The following NPEPL1 variants were observed in gnomAD, a reference collection of about 807,000 sequenced individuals.
NPEPL1 encodes probable aminopeptidase NPEPL1.
A neutral mutation model predicts 52.4 loss-of-function variants in NPEPL1; 45 were observed. That is an observed-to-expected ratio of 0.86 (90% CI 0.68 to 1.10). The LOEUF (loss-of-function observed/expected upper bound fraction) is 1.10. NPEPL1 is among the 50% of genes least tolerant of loss of function. The pLI, the probability that NPEPL1 is intolerant of heterozygous loss-of-function variation, is 0.00. For synonymous variants in NPEPL1, 360 were observed against 314.7 expected, an observed-to-expected ratio of 1.14 and a Z score of -1.52; for missense variants, 696 against 710.9, an observed-to-expected ratio of 0.98 and a Z score of 0.24.
chr20:58,709,363 G>A (rs1327518776), intron 7 of NPEPL1, among the ~76,000 whole-genome samples: 1 of 152,126 alleles, frequency 6.6e-6, no homozygotes, highest in East Asian at 1.9e-4. Context: ...CAGCATCCAC[G>A]TGTCCACACT....
chr20:58,714,326 T>C (rs1209744632), intron 10 of NPEPL1: 2 of 612,388 alleles, frequency 3.3e-6, no homozygotes, highest in Non-Finnish European at 2.8e-6. Context: ...GTCTTGGGTC[T>C]GGCTCAGTTG....
At chr20:58,707,294 A>G (rs990211278) in intron 7 of NPEPL1, 94 bp downstream of exon 7, 2 of 1,175,004 alleles carry the variant, frequency 1.7e-6, no homozygotes, top group Non-Finnish European at 2.4e-6. Flanking sequence ...AGGCCCCACC[A>G]GGGTCCTACC....
upstream of NPEPL1, among the ~76,000 whole-genome samples, chr20:58,690,203 A>C (rs1013921362): frequency 2.0e-5 from 3 of 152,238 alleles, no homozygotes; most frequent in African/African-American, 7.2e-5. Context: ...TTTGTCCCAG[A>C]AGTTTTTAAT....
chr20:58,714,309 TC>T, intron 10 of NPEPL1: 1 of 621,454 alleles, frequency 1.6e-6, no homozygotes, highest in Non-Finnish European at 2.7e-6. Flanking sequence ...CAAGGGTTTC[TC>T]CCCCAGTCTT....
chr20:58,700,997 C>T lies in NPEPL1; in HGVS notation c.680-19C>T. 6.5e-7 allele frequency: 1 copy of T among 1,546,362 alleles called. No individual in the cohort carries two copies. Among genetic ancestry groups the T allele is most frequent in the Non-Finnish European group, 8.7e-7 (1 of 1,144,198 alleles). ...AGCTCAGCCCGAGCCTAACCCAGTT[C>T]TCCCCACGCTTTCCATAGGAATCTA... is the stretch of plus-strand genomic sequence containing the variant. On this transcript the variant is annotated intron_variant, in intron 5 of 11. Coordinates refer to ENST00000356091, the MANE Select transcript of NPEPL1 (RefSeq NM_024663.4).
At chr20:58,700,668 G>A (rs2084595853) in intron 5 of NPEPL1, among the ~76,000 whole-genome samples, 1 of 152,220 alleles carries the variant, frequency 6.6e-6, no homozygotes, top group Admixed American at 6.5e-5. Flanking sequence ...AGGAAGTGGG[G>A]ACGAGCATGG....
intron 6 of NPEPL1, chr20:58,703,372 A>G (rs1601115608): frequency 3.0e-6 from 2 of 667,424 alleles, no homozygotes; most frequent in Non-Finnish European, 3.7e-6. Flanking sequence ...CACGGTGGTA[A>G]TAAGCAAACT....
At position 58,715,514 on chromosome 20, in the gene NPEPL1, G is replaced by A. The variant is rs1026275171; in HGVS notation, c.*188G>A. On this transcript the variant is annotated 3_prime_UTR_variant, in exon 12 of 12. Coordinates refer to ENST00000356091, the MANE Select transcript of NPEPL1 (RefSeq NM_024663.4). Reference sequence around the variant, plus strand: ...TGGTGCGGGCCACGGGGAGGGGACCGGGAAGCGCTGGGGCTTGTTTCTGTT... The same window carrying A: ...TGGTGCGGGCCACGGGGAGGGGACCAGGAAGCGCTGGGGCTTGTTTCTGTT... 1.0e-5 allele frequency: 6 copies of A among 572,612 alleles called. No homozygotes were observed. Among genetic ancestry groups the A allele is most frequent in the East Asian group, 6.6e-5 (2 of 30,178 alleles). The allele number at this position is 572,612 out of a possible 1,614,324, so 35.5% of individuals were successfully genotyped here. A position where few individuals can be genotyped will look rare whatever the true frequency, so the allele number is the denominator to read the frequency against.
At chr20:58,700,397 A>G (rs1437975785) in intron 5 of NPEPL1, among the ~76,000 whole-genome samples, 2 of 152,194 alleles carry the variant, frequency 1.3e-5, no homozygotes, top group Non-Finnish European at 2.9e-5. Flanking sequence ...TGTGTCAGGA[A>G]AAGCTTCACA....
At chr20:58,714,219 A>G in intron 10 of NPEPL1, 126 bp downstream of exon 10, 1 of 1,039,546 alleles carries the variant, frequency 9.6e-7, no homozygotes, top group Non-Finnish European at 1.4e-6. Context: ...AGTGCAGACG[A>G]GGGCTTGAGA....
intron 6 of NPEPL1, chr20:58,705,705 C>A: frequency 2.6e-6 from 1 of 377,928 alleles, no homozygotes; most frequent in South Asian, 1.9e-5. Context: ...TATTTGCAAG[C>A]CCAGTCCTGG....
rs775441195 is a variant in NPEPL1, at chr20:58,693,847, C to T, written c.261C>T (p.Asn87=). 6.2e-7 allele frequency: 1 copy of T among 1,613,640 alleles called. No individual in the cohort carries two copies. The highest frequency in any genetic ancestry group is 8.5e-7 in the Non-Finnish European group (1 of 1,179,784). The stretch of plus-strand genomic sequence containing the variant: ...TGCCCTGCAGGGTGAGCCGGCACAA[C>T]AGCCCCTCGGCCGCCCACTTCATCA... The part of the protein sequence containing the change: ...AALPCRVSRH[N]SPSAAHFITR... The change falls in exon 2 of 12, where the codon AAC becomes AAT. Residue 87 remains asparagine, a synonymous_variant. Coordinates refer to ENST00000356091, the MANE Select transcript of NPEPL1 (RefSeq NM_024663.4).
intron 2 of NPEPL1, 115 bp from the exon 3 acceptor site, chr20:58,694,307 T>G: frequency 1.9e-6 from 2 of 1,069,530 alleles, no homozygotes; most frequent in Non-Finnish European, 2.7e-6. Flanking sequence ...GGGACATCTC[T>G]GTCTAGATGT....
upstream of NPEPL1, chr20:58,692,690 G>C (rs926585102): frequency 2.3e-6 from 1 of 440,066 alleles, no homozygotes; most frequent in African/African-American, 2.1e-5. The surrounding 1 kb of genome is among the most constrained non-coding windows in gnomAD (Gnocchi z 5.7). Flanking sequence ...GGGCCTGCCC[G>C]CACCCTTCCG....
chr20:58,696,348 C>T, intron 3 of NPEPL1, among the ~76,000 whole-genome samples: 1 of 152,226 alleles, frequency 6.6e-6, no homozygotes, highest in East Asian at 1.9e-4. Flanking sequence ...TAGCACCACC[C>T]TCCCATTTGT....
intron 7 of NPEPL1, 133 bp downstream of exon 7, chr20:58,707,333 C>G (rs1024808254): frequency 2.0e-5 from 17 of 836,440 alleles, no homozygotes; most frequent in South Asian, 3.6e-5. Context: ...GCTTGTCCCC[C>G]CTCTGCCCCC....
intron 7 of NPEPL1, among the ~76,000 whole-genome samples, chr20:58,707,538 C>T (rs1005272777): frequency 1.3e-5 from 2 of 152,244 alleles, no homozygotes; most frequent in South Asian, 2.1e-4. Flanking sequence ...CAGGGGCACA[C>T]GTTGTTCTGC....
chr20:58,713,850 T>C lies in NPEPL1; in HGVS notation c.1126-67T>C, dbSNP rs1424924318. The C allele has an allele frequency of 1.6e-5, 23 of 1,394,282 alleles. No individual in the cohort carries two copies. Among genetic ancestry groups the C allele is most frequent in the Non-Finnish European group, 2.1e-5 (23 of 1,072,444 alleles). 86.4% of individuals were successfully genotyped at this position (1,394,282 alleles called of 1,614,324 possible). ...ATTTCTCTGTCTGCCTCCCGGTCCCTCTTTTGCCTTGGGTGTTTCTCTCCT... is the reference window on the plus strand; with the variant it reads ...ATTTCTCTGTCTGCCTCCCGGTCCCCCTTTTGCCTTGGGTGTTTCTCTCCT... On this transcript the variant is annotated intron_variant, in intron 9 of 11. Coordinates refer to ENST00000356091, the MANE Select transcript of NPEPL1 (RefSeq NM_024663.4). The surrounding 1 kb of genome is among the most constrained non-coding windows in gnomAD (Gnocchi z 4.6).
At position 58,712,502 on chromosome 20, in the gene NPEPL1, T is replaced by C; in HGVS notation, c.924T>C (p.Ala308=). 3 of 1,613,506 alleles carry C rather than the reference T, an allele frequency of 1.9e-6. No individual in the cohort carries two copies. Among genetic ancestry groups the C allele is most frequent in the Non-Finnish European group, 2.5e-6 (3 of 1,179,696 alleles). Residue 308 remains alanine (A), a synonymous_variant, in exon 8 of 12, where the codon GCT becomes GCC. Coordinates refer to ENST00000356091, the MANE Select transcript of NPEPL1 (RefSeq NM_024663.4). ...IKQGFKDNLH[A]VFCLAENSVG... is the part of the protein sequence containing the mutation. The stretch of plus-strand genomic sequence containing the variant: ...AGGGTTTCAAAGACAACCTCCACGC[T>C]GTGTTCTGCTTGGCTGAGAACTCGG...
Sources: allele counts gnomAD v4.1 joint callset (sites outside exome capture counted in the v4.1 genomes callset), GRCh38; gene constraint gnomAD v4.1.1; non-coding constraint Gnocchi (gnomAD v3.1); transcripts MANE v1.5; gene names NCBI Gene and HGNC (gene_info 2026-07-23, HGNC 2026-07-21).